Variants in LSP1 observed in about 807,000 individuals in gnomAD.
LSP1 encodes lymphocyte specific protein 1, also known as lymphocyte-specific protein 1.
A neutral mutation model predicts 49.3 loss-of-function variants in LSP1; 32 were observed. That is an observed-to-expected ratio of 0.65 (90% CI 0.49 to 0.87). LSP1 has a LOEUF of 0.87. Among genes scored for constraint, LSP1 ranks in the 40% least tolerant of loss-of-function variants. The pLI is 0.00. For missense variants in LSP1, 428 were observed against 442.6 expected, an observed-to-expected ratio of 0.97 and a Z score of 0.30; for synonymous variants, 179 against 178.8, an observed-to-expected ratio of 1.00 and a Z score of -0.01.
chr11:1,864,117 G>C, intron 1 of LSP1: 1 of 933,134 alleles, frequency 1.1e-6, no homozygotes, highest in Non-Finnish European at 1.3e-6. Flanking sequence ...GAGGGAGACA[G>C]AGATAGGGAC....
chr11:1,868,957 G>A (rs1589812884), intron 1 of LSP1: 2 of 986,160 alleles, frequency 2.0e-6, no homozygotes, highest in Non-Finnish European at 1.2e-6. Context: ...CCCGGGGACT[G>A]AGCATCCGGC....
At chr11:1,855,337 G>A (rs1847461960) in intron 1 of LSP1, among the ~76,000 whole-genome samples, 1 of 152,184 alleles carries the variant, frequency 6.6e-6, no homozygotes, top group African/African-American at 2.4e-5. Flanking sequence ...CTCAGCTGGG[G>A]CTGGAGCAGT....
At chr11:1,871,311 C>T (rs1347683778) in intron 1 of LSP1, 36 of 986,100 alleles carry the variant, frequency 3.7e-5, no homozygotes, top group Non-Finnish European at 3.6e-5. Context: ...TAACCTCCGA[C>T]CCAGGCTGGT....
At chr11:1,870,065 C>A (rs547398995) in intron 1 of LSP1, 4 of 441,158 alleles carry the variant, frequency 9.1e-6, no homozygotes, top group African/African-American at 4.0e-5. Flanking sequence ...GATAGGACTG[C>A]GCCCCTGGCG....
chr11:1,867,028 C>T, intron 1 of LSP1: 2 of 1,051,236 alleles, frequency 1.9e-6, no homozygotes, highest in Non-Finnish European at 2.7e-6. Flanking sequence ...AGGGCCAGTC[C>T]CTGTGGACCT....
At chr11:1,856,960 G>A (rs1406694158) in intron 1 of LSP1, among the ~76,000 whole-genome samples, 1 of 152,236 alleles carries the variant, frequency 6.6e-6, no homozygotes, top group African/African-American at 2.4e-5. Context: ...GCTGAGGGAG[G>A]TTAGGATTGA....
At chr11:1,875,827 C>T (rs554642207) in intron 1 of LSP1, among the ~76,000 whole-genome samples, 17 of 152,330 alleles carry the variant, frequency 1.1e-4, no homozygotes, top group African/African-American at 4.1e-4. Context: ...CCCCACCTGT[C>T]ACCCACCTGC....
At chr11:1,867,600 T>C (rs1045895951) in intron 1 of LSP1, among the ~76,000 whole-genome samples, 3 of 151,938 alleles carry the variant, frequency 2.0e-5, no homozygotes, top group Non-Finnish European at 2.9e-5. Flanking sequence ...GGGTCCCTCC[T>C]CCACCCGCAT....
intron 1 of LSP1, among the ~76,000 whole-genome samples, chr11:1,861,240 A>G (rs546086872): frequency 3.5e-4 from 53 of 152,364 alleles, no homozygotes; most frequent in African/African-American, 1.3e-3. Context: ...TACGTAAAAT[A>G]TCAATCCCCT....
intron 1 of LSP1, among the ~76,000 whole-genome samples, chr11:1,863,080 T>C (rs1352468957): frequency 1.3e-5 from 2 of 152,128 alleles, no homozygotes; most frequent in African/African-American, 2.4e-5. Flanking sequence ...CTGGTGTGTA[T>C]GTAGGGAGTG....
chr11:1,865,369 T>C (rs1009627229), intron 1 of LSP1: 2 of 380,992 alleles, frequency 5.2e-6, no homozygotes. Flanking sequence ...CGGTAGGCTC[T>C]GCTGCCCCAA....
chr11:1,873,846 C>CGGCAGAGGAGGGAGGCT (rs1489048609), intron 1 of LSP1, among the ~76,000 whole-genome samples: 1 of 128,350 alleles, frequency 7.8e-6, no homozygotes, highest in Admixed American at 7.4e-5. Flanking sequence ...GGAGGGAGGC[C>CGGCAGAGGAGGGAGGCT]GGCAGAGGAG....
chr11:1,890,701 G>C, intron 10 of LSP1: 2 of 613,360 alleles, frequency 3.3e-6, no homozygotes, highest in Non-Finnish European at 2.9e-6. Flanking sequence ...GTGGAGGCCT[G>C]AGTATTCTGC....
intron 1 of LSP1, chr11:1,866,833 G>A: frequency 6.5e-7 from 1 of 1,549,288 alleles, no homozygotes; most frequent in South Asian, 1.2e-5. Flanking sequence ...GCCTGGCTGT[G>A]CGGTGGCTCA....
chr11:1,872,746 G>A (rs888639855), intron 1 of LSP1, among the ~76,000 whole-genome samples: 16 of 138,118 alleles, frequency 1.2e-4, no homozygotes, highest in Non-Finnish European at 3.1e-5. Context: ...GGGTCTGTCC[G>A]GCTGGCGTGG....
At chr11:1,856,000 G>C (rs932783108) in intron 1 of LSP1, among the ~76,000 whole-genome samples, 1 of 152,156 alleles carries the variant, frequency 6.6e-6, no homozygotes, top group African/African-American at 2.4e-5. Flanking sequence ...GCTCTGCAGG[G>C]GTGTACCCTC....
At chr11:1,862,751 C>T (rs1344224438) in intron 1 of LSP1, among the ~76,000 whole-genome samples, 1 of 151,652 alleles carries the variant, frequency 6.6e-6, no homozygotes, top group East Asian at 1.9e-4. Context: ...ACCTTACCTC[C>T]CCTAGGTAAT....
chr11:1,862,583 C>T (rs958843393), intron 1 of LSP1, among the ~76,000 whole-genome samples: 3 of 152,102 alleles, frequency 2.0e-5, no homozygotes, highest in African/African-American at 7.2e-5. Flanking sequence ...GCCCCCCACC[C>T]CAGGTAATCT....
At chr11:1,873,010 G>T (rs551382624) in intron 1 of LSP1, among the ~76,000 whole-genome samples, 1 of 152,006 alleles carries the variant, frequency 6.6e-6, no homozygotes, top group African/African-American at 2.4e-5. Flanking sequence ...TTCGGATTGG[G>T]TGGGTAAGGA....
Sources: allele counts gnomAD v4.1 joint callset (sites outside exome capture counted in the v4.1 genomes callset), GRCh38; gene constraint gnomAD v4.1.1; transcripts MANE v1.5; gene names NCBI Gene and HGNC (gene_info 2026-07-23, HGNC 2026-07-21).